SPOCK3: variants seen among roughly 807,000 people sequenced by gnomAD.
The protein encoded by SPOCK3 is testican-3.
SPOCK3 carries 30 observed loss-of-function variants against 56.6 expected under a neutral mutation model. The observed-to-expected ratio is 0.53, with a 90% CI of 0.40 to 0.72. The LOEUF (loss-of-function observed/expected upper bound fraction) is 0.72, where lower values mean the gene tolerates loss of function less well. Among genes scored for constraint, SPOCK3 ranks in the 30% least tolerant of loss-of-function variants. The probability of loss-of-function intolerance (pLI) is 0.00; values close to 1 mark genes in which losing one functional copy is unlikely to be tolerated. For synonymous variants in SPOCK3, 196 were observed against 183.3 expected (o/e 1.07, Z -0.56); for missense variants, 527 against 530.0 (o/e 0.99, Z 0.06).
intron 8 of SPOCK3, among the ~76,000 whole-genome samples, chr4:166,751,640 T>A (rs1736386951): frequency 6.6e-6 from 1 of 152,258 alleles, no homozygotes; most frequent in East Asian, 1.9e-4. Context: ...CAGTAATAAT[T>A]TTATGTACAC....
rs562792190 is a variant in SPOCK3, at chr4:166,998,463, C to T, written c.350+1886G>A. Among the ~76,000 whole-genome samples the T allele has an allele frequency of 5.3e-5, 8 of 152,170 alleles. No homozygotes were observed. In the East Asian group the frequency reaches 5.8e-4, roughly 11 times the overall value. ...GCTGTTTAATAAGTCAGAGAAGTAA[C>T]GAGACAGCATAGTGGTAAAAAGCTT... On this transcript the variant is annotated intron_variant, in intron 4 of 10. Coordinates refer to ENST00000357545, the MANE Select transcript of SPOCK3 (RefSeq NM_001040159.2).
chr4:167,228,024 A>AT, intron 2 of SPOCK3, among the ~76,000 whole-genome samples: 1 of 152,332 alleles, frequency 6.6e-6, no homozygotes, highest in African/African-American at 2.4e-5. Flanking sequence ...TAAGATGCAG[A>AT]AAACCTAACC....
At chr4:166,742,178 T>A in intron 8 of SPOCK3, 119 bp from the exon 9 acceptor site, 1 of 675,112 alleles carries the variant, frequency 1.5e-6, no homozygotes, top group Admixed American at 2.5e-5. Context: ...TATTACATAT[T>A]AATTGGTTTA....
chr4:166,925,702 G>A (rs1271831562), intron 4 of SPOCK3, among the ~76,000 whole-genome samples: 1 of 151,458 alleles, frequency 6.6e-6, no homozygotes, highest in African/African-American at 2.4e-5. Flanking sequence ...ATTTACAAAC[G>A]ATTCTAACTT....
intron 4 of SPOCK3, among the ~76,000 whole-genome samples, chr4:166,940,184 A>G (rs1740885991): frequency 6.6e-6 from 1 of 152,142 alleles, no homozygotes. Flanking sequence ...TTCAAGAGAG[A>G]AGAAATATTT....
chr4:166,853,359 T>C (rs1730332037), intron 6 of SPOCK3, among the ~76,000 whole-genome samples: 1 of 152,222 alleles, frequency 6.6e-6, no homozygotes, highest in African/African-American at 2.4e-5. Context: ...TTTTATAACA[T>C]AAAAATGGAA....
At chr4:166,781,734 A>T (rs566307423) in intron 7 of SPOCK3, among the ~76,000 whole-genome samples, 2 of 152,246 alleles carry the variant, frequency 1.3e-5, no homozygotes, top group African/African-American at 4.8e-5. Flanking sequence ...TAGATGCACC[A>T]TCGTCAAACT....
intron 2 of SPOCK3, among the ~76,000 whole-genome samples, chr4:167,112,256 A>G (rs192822680): frequency 1.3e-5 from 2 of 152,290 alleles, no homozygotes; most frequent in East Asian, 3.9e-4. Flanking sequence ...TAGAACAGTA[A>G]GTAACCATAA....
chr4:166,997,140 A>T (rs879944271), intron 4 of SPOCK3, among the ~76,000 whole-genome samples: 3 of 151,850 alleles, frequency 2.0e-5, no homozygotes, highest in Non-Finnish European at 2.9e-5. Flanking sequence ...GAGGGGAACA[A>T]CACACACTGT....
intron 6 of SPOCK3, among the ~76,000 whole-genome samples, chr4:166,808,598 CT>C (rs1743431378): frequency 6.6e-6 from 1 of 152,090 alleles, no homozygotes; most frequent in Admixed American, 6.6e-5. Flanking sequence ...AGAAAAGACA[CT>C]TCTGTTGTTT....
chr4:167,131,614 A>G (rs1345210133), intron 2 of SPOCK3, among the ~76,000 whole-genome samples: 2 of 152,106 alleles, frequency 1.3e-5, no homozygotes, highest in African/African-American at 4.8e-5. Context: ...CACAAAAAAA[A>G]CCAAAACCAA....
At chr4:166,856,493 C>T (rs533916311) in intron 6 of SPOCK3, among the ~76,000 whole-genome samples, 2 of 152,078 alleles carry the variant, frequency 1.3e-5, no homozygotes, top group African/African-American at 4.8e-5. Context: ...TATATACAGT[C>T]GGCCAGGCAC....
intron 2 of SPOCK3, among the ~76,000 whole-genome samples, chr4:167,195,612 G>T (rs1275119990): frequency 2.6e-5 from 4 of 152,178 alleles, no homozygotes; most frequent in African/African-American, 9.7e-5. Context: ...AGTATTTACT[G>T]TGGAACCAAG....
At chr4:166,800,007 C>T (rs1442608676) in intron 6 of SPOCK3, among the ~76,000 whole-genome samples, 1 of 151,642 alleles carries the variant, frequency 6.6e-6, no homozygotes, top group Non-Finnish European at 1.5e-5. Flanking sequence ...CGGTGAAACC[C>T]TGTCTCTACT....
rs1368469447 is a variant in SPOCK3, at chr4:167,121,234, A to G, written c.190-58697T>C. Among the ~76,000 whole-genome samples the G allele has an allele frequency of 2.0e-5, 3 of 151,888 alleles. No homozygotes were observed. In the East Asian group the frequency reaches 5.8e-4, roughly 29 times the overall value. ...GTTCCAGGATATTGACATTTAGCAC[A>G]CAGGACTTCTCCAGGTTAAAGAAGT... On this transcript the variant is annotated intron_variant, in intron 2 of 10. Transcript: ENST00000357545.
chr4:166,911,673 G>C (rs1737288258), intron 5 of SPOCK3, among the ~76,000 whole-genome samples: 1 of 152,076 alleles, frequency 6.6e-6, no homozygotes, highest in African/African-American at 2.4e-5. Context: ...GAGTAGCTGG[G>C]ATTACAGATG....
intron 2 of SPOCK3, among the ~76,000 whole-genome samples, chr4:167,220,735 T>C (rs1202330377): frequency 6.6e-6 from 1 of 152,096 alleles, no homozygotes; most frequent in Non-Finnish European, 1.5e-5. Context: ...TATTCAGACC[T>C]GCACTTTGAT....
In SPOCK3 at chr4:166,734,889, A is replaced by G. The variant is rs113043351; in HGVS notation, c.*32T>C. On this transcript the variant is annotated 3_prime_UTR_variant, in exon 11 of 11. Transcript: ENST00000357545. ...GCTATCATTTTTGTAAATATTAGAAATGTAGAATTTATTGATTTCAACTGT... is the reference window on the plus strand; with the variant it reads ...GCTATCATTTTTGTAAATATTAGAAGTGTAGAATTTATTGATTTCAACTGT... The G allele has an allele frequency of 3.4e-4, 500 of 1,459,350 alleles. No homozygotes were observed. Among genetic ancestry groups the G allele is most frequent in the Non-Finnish European group, 4.4e-4 (473 of 1,076,226 alleles). The allele number at this position is 1,459,350 out of a possible 1,614,324, so 90.4% of individuals were successfully genotyped here.
intron 2 of SPOCK3, among the ~76,000 whole-genome samples, chr4:167,153,956 C>T (rs1764611498): frequency 6.6e-6 from 1 of 152,140 alleles, no homozygotes; most frequent in Admixed American, 6.5e-5. Context: ...ATACTCCTCT[C>T]TGCTTTCTCT....
Sources: allele counts gnomAD v4.1 joint callset (sites outside exome capture counted in the v4.1 genomes callset), GRCh38; gene constraint gnomAD v4.1.1; transcripts MANE v1.5; gene names NCBI Gene and HGNC (gene_info 2026-07-23, HGNC 2026-07-21).